The following FAM149B1 variants were observed in gnomAD, a reference collection of about 807,000 sequenced individuals.
FAM149B1 encodes the protein family with sequence similarity 149 member B1.
A neutral mutation model predicts 75.3 loss-of-function variants in FAM149B1; 56 were observed. That is an observed-to-expected ratio of 0.74 (90% CI 0.60 to 0.93). The LOEUF is 0.93. Among genes scored for constraint, FAM149B1 ranks in the 40% least tolerant of loss-of-function variants. The pLI is 0.00. For missense variants in FAM149B1, 639 were observed against 708.4 expected (o/e 0.90, Z 1.11); for synonymous variants, 259 against 256.1 (o/e 1.01, Z -0.11).
chr10:73,211,561 T>G (rs1019889569), intron 7 of FAM149B1, among the ~76,000 whole-genome samples: 2 of 152,236 alleles, frequency 1.3e-5, no homozygotes, highest in Non-Finnish European at 2.9e-5. Context: ...TGACTTATGT[T>G]TGTATTTCCC....
intron 7 of FAM149B1, among the ~76,000 whole-genome samples, chr10:73,225,769 T>C (rs765493339): frequency 1.9e-4 from 29 of 152,238 alleles, no homozygotes; most frequent in Non-Finnish European, 3.7e-4. Context: ...AAGTACCCTA[T>C]ACAAGGTACC....
At chr10:73,223,731 T>C (rs1321446914) in intron 7 of FAM149B1, among the ~76,000 whole-genome samples, 3 of 123,388 alleles carry the variant, frequency 2.4e-5, no homozygotes, top group Non-Finnish European at 1.9e-5. Flanking sequence ...GTATGTGTGT[T>C]AGGTTTTTTT....
intron 7 of FAM149B1, among the ~76,000 whole-genome samples, chr10:73,224,217 C>T (rs1425509986): frequency 1.3e-5 from 2 of 152,112 alleles, no homozygotes; most frequent in East Asian, 3.9e-4. Context: ...ACCATCCAGT[C>T]TCTGTTGCAA....
rs1342720422 is a variant in FAM149B1, at chr10:73,243,108, T to C, written c.*2089T>C. On this transcript the variant is annotated 3_prime_UTR_variant, in exon 14 of 14. Coordinates refer to ENST00000242505, the MANE Select transcript of FAM149B1 (RefSeq NM_173348.2). ...CCACATCCTAGATAAGAGTTCTGTG[T>C]ACAGAAGATCCATGGAGGCAAGTGC... The C allele has an allele frequency of 8.1e-6, 3 of 369,264 alleles. No homozygotes were observed. The highest frequency in any genetic ancestry group is 1.5e-5 in the Non-Finnish European group (3 of 198,154). The allele number at this position is 369,264 out of a possible 1,614,324, so 22.9% of individuals were successfully genotyped here.
Position 73,168,260 on chromosome 10 carries a change from G to T in FAM149B1, c.-80G>T. ...GGGGCCGGGCCGGAGCCGGCGGGAG[G>T]GCCAGGCCCGGAGGCCCCCACCCTG... On this transcript the variant is annotated 5_prime_UTR_variant, in exon 1 of 14. Coordinates refer to ENST00000242505, the MANE Select transcript of FAM149B1 (RefSeq NM_173348.2). The T allele has an allele frequency of 6.7e-7, 1 of 1,487,922 alleles. No individual in the cohort carries two copies. Among genetic ancestry groups the T allele is most frequent in the South Asian group, 1.2e-5 (1 of 80,890 alleles). 92.2% of individuals were successfully genotyped at this position (1,487,922 alleles called of 1,614,324 possible).
At chr10:73,192,996 T>G (rs534788870) in intron 4 of FAM149B1, among the ~76,000 whole-genome samples, 1 of 152,314 alleles carries the variant, frequency 6.6e-6, no homozygotes, top group Non-Finnish European at 1.5e-5. Flanking sequence ...GGTCAGAAAA[T>G]GTACACTGTT....
chr10:73,226,537 C>G (rs2043555499), intron 7 of FAM149B1, among the ~76,000 whole-genome samples: 1 of 152,092 alleles, frequency 6.6e-6, no homozygotes, highest in East Asian at 1.9e-4. Flanking sequence ...TGCCACACGA[C>G]CTGGGTTTGA....
At chr10:73,239,467 C>A in intron 13 of FAM149B1, 83 bp downstream of exon 13, 1 of 976,752 alleles carries the variant, frequency 1.0e-6, no homozygotes, top group East Asian at 2.7e-5. Context: ...ACACCTATTT[C>A]CCCTTCTTTC....
chr10:73,208,911 GTTAT>G (rs2043126984), intron 6 of FAM149B1, 125 bp downstream of exon 6: 1 of 597,884 alleles, frequency 1.7e-6, no homozygotes, highest in Non-Finnish European at 2.5e-6. Context: ...TTTATTTTAT[GTTAT>G]TTCTCAGGTA....
At chr10:73,175,967 G>A (rs1217803266) in intron 2 of FAM149B1, among the ~76,000 whole-genome samples, 1 of 151,968 alleles carries the variant, frequency 6.6e-6, no homozygotes, top group Non-Finnish European at 1.5e-5. Flanking sequence ...GGTGAGGGAT[G>A]GTTTCAGGAT....
intron 5 of FAM149B1, among the ~76,000 whole-genome samples, chr10:73,202,856 A>G (rs567429013): frequency 6.6e-6 from 1 of 151,730 alleles, no homozygotes; most frequent in Admixed American, 6.6e-5. Context: ...TCATCTGGCT[A>G]ATTTTGTATT....
In FAM149B1 at chr10:73,243,674, T is replaced by C. The variant is rs1701857777; in HGVS notation, c.*2655T>C. ...GTCCTACAATTGGTGTTAATAATTG[T>C]AAAACTTTGTAAATACACTTAAAAC... On this transcript the variant is annotated 3_prime_UTR_variant, in exon 14 of 14. Transcript: ENST00000242505. The C allele has an allele frequency of 2.6e-6, 3 of 1,158,390 alleles. No individual in the cohort carries two copies. The highest frequency in any genetic ancestry group is 3.7e-6 in the Non-Finnish European group (3 of 819,644). The allele number at this position is 1,158,390 out of a possible 1,614,324, so 71.8% of individuals were successfully genotyped here. A position where few individuals can be genotyped will look rare whatever the true frequency, so the allele number is the denominator to read the frequency against.
chr10:73,236,459 G>A (rs963142312), intron 12 of FAM149B1, among the ~76,000 whole-genome samples: 2 of 150,748 alleles, frequency 1.3e-5, no homozygotes, highest in Non-Finnish European at 3.0e-5. Flanking sequence ...TGTCACCTAG[G>A]GTGGAGTGTA....
chr10:73,181,009 CTTT>C (rs558040188), intron 3 of FAM149B1, among the ~76,000 whole-genome samples: 2 of 137,694 alleles, frequency 1.5e-5, no homozygotes, highest in Non-Finnish European at 1.6e-5. Flanking sequence ...TTTTCTAGTT[CTTT>C]TTTTTTTTTT....
intron 10 of FAM149B1, 30 bp from the exon 11 acceptor site, chr10:73,234,787 T>C: frequency 5.8e-6 from 9 of 1,550,016 alleles, no homozygotes; most frequent in Non-Finnish European, 7.8e-6. Context: ...CATGCTTTCA[T>C]ACCTTCGTGT....
chr10:73,169,522 A>G (rs1043186275), intron 1 of FAM149B1, among the ~76,000 whole-genome samples: 2 of 151,334 alleles, frequency 1.3e-5, no homozygotes, highest in Non-Finnish European at 2.9e-5. Context: ...CAGTAGTGCA[A>G]TCCTTGCTCA....
intron 7 of FAM149B1, 60 bp from the exon 8 acceptor site, chr10:73,228,000 A>G: frequency 2.0e-6 from 3 of 1,498,216 alleles, no homozygotes; most frequent in Non-Finnish European, 2.7e-6. Flanking sequence ...TTTTTTCACA[A>G]TACTGTTGCT....
At chr10:73,237,660 G>A (rs1245840987) in intron 12 of FAM149B1, among the ~76,000 whole-genome samples, 1 of 152,146 alleles carries the variant, frequency 6.6e-6, no homozygotes, top group Non-Finnish European at 1.5e-5. Context: ...GACCCCAAGT[G>A]ATCCACCTAC....
intron 2 of FAM149B1, among the ~76,000 whole-genome samples, chr10:73,175,669 CA>C (rs779685127): frequency 0.25 from 15,982 of 64,618 alleles, 1,010 homozygotes; most frequent in African/African-American, 0.4. Context: ...GACTCCTTCT[CA>C]AAAAAAAAAA....
Sources: gnomAD v4.1 joint callset for allele counts (sites outside exome capture counted in the v4.1 genomes callset) on GRCh38, gnomAD v4.1.1 for gene constraint, MANE v1.5 for transcripts, NCBI Gene and HGNC (gene_info 2026-07-23, HGNC 2026-07-21) for gene names.